Variants in CDH15 observed in about 807,000 individuals in gnomAD.
The protein encoded by CDH15 is cadherin 15.
A neutral mutation model predicts 69.4 loss-of-function variants in CDH15; 73 were observed. That is an observed-to-expected ratio of 1.05 (90% confidence interval 0.87 to 1.28). The LOEUF is 1.28. Ranked by LOEUF, CDH15 falls within the 50% of genes most tolerant of loss-of-function variation. The pLI is 0.00. For missense variants in CDH15, 1,343 were observed against 1,133.6 expected (o/e 1.18, Z -2.65); for synonymous variants, 624 against 507.7 (o/e 1.23, Z -3.08).
chr16:89,184,695 G>C (rs868362685), intron 4 of CDH15, among the ~76,000 whole-genome samples: 75 of 151,780 alleles, frequency 4.9e-4, no homozygotes, highest in African/African-American at 1.7e-3. Context: ...CAGCCTGCCC[G>C]TGCGTCCTCT....
At chr16:89,175,973 G>T (rs1244114428) in intron 1 of CDH15, among the ~76,000 whole-genome samples, 1 of 152,236 alleles carries the variant, frequency 6.6e-6, no homozygotes, top group Admixed American at 6.5e-5. Flanking sequence ...CTGTGTGCTG[G>T]GCCAGCCCTG....
At position 89,192,281 on chromosome 16, in the gene CDH15, G is replaced by C. The variant is rs1334726471; in HGVS notation, c.1692G>C (p.Ser564=). ...GCCTCAGCCTGCTGCTCCGGGACTC[G>C]GGGCAGCCGCCCCAGCAGCGCGAGC... The part of the protein sequence containing the change: ...LHRLSLLLRD[S]GQPPQQREQP... Residue 564 remains serine (S), a synonymous_variant, in exon 11 of 14, where the codon TCG becomes TCC. Transcript: ENST00000289746. The C allele has an allele frequency of 6.5e-6, 10 of 1,531,426 alleles. No homozygotes were observed. Among genetic ancestry groups the C allele is most frequent in the Admixed American group, 5.9e-5 (3 of 50,874 alleles). 94.9% of individuals were successfully genotyped at this position (1,531,426 alleles called of 1,614,324 possible).
chr16:89,189,291 AGATG>A (rs2151603066), intron 7 of CDH15, among the ~76,000 whole-genome samples: 3 of 150,414 alleles, frequency 2.0e-5, no homozygotes, highest in Admixed American at 6.6e-5. Context: ...CGGCACACAC[AGATG>A]CCCACACACA....
chr16:89,180,535 A>G (rs1915353464), intron 3 of CDH15, among the ~76,000 whole-genome samples, 180 bp downstream of exon 3: 1 of 152,150 alleles, frequency 6.6e-6, no homozygotes, highest in African/African-American at 2.4e-5. Context: ...CTGCAGCCGG[A>G]GGAGGCAACT....
chr16:89,187,667 C>A, intron 6 of CDH15, 110 bp downstream of exon 6: 2 of 1,486,830 alleles, frequency 1.3e-6, no homozygotes, highest in Non-Finnish European at 1.8e-6. Context: ...GGATGGTGTG[C>A]TTTGGAGAAG....
At chr16:89,192,130 G>C (rs1915661891) in intron 10 of CDH15, 75 bp from the exon 11 acceptor site, 2 of 1,464,326 alleles carry the variant, frequency 1.4e-6, no homozygotes, top group Admixed American at 4.8e-5. Flanking sequence ...TCCCCACCCT[G>C]TCTCGGCGCG....
At chr16:89,185,430 T>G (rs780455546) in intron 5 of CDH15, 97 bp downstream of exon 5, 79 of 1,358,350 alleles carry the variant, frequency 5.8e-5, no homozygotes, top group Non-Finnish European at 7.8e-5. Context: ...CAGACGCTCC[T>G]GTCCCTGCCG....
At chr16:89,177,537 G>A (rs1197661903) in intron 1 of CDH15, among the ~76,000 whole-genome samples, 1 of 152,072 alleles carries the variant, frequency 6.6e-6, no homozygotes, top group African/African-American at 2.4e-5. Context: ...GACTAGGGAG[G>A]CACAGACAGC....
chr16:89,177,028 T>C (rs1020329901), intron 1 of CDH15, among the ~76,000 whole-genome samples: 1 of 152,086 alleles, frequency 6.6e-6, no homozygotes, highest in African/African-American at 2.4e-5. Flanking sequence ...CGTTAGGGTC[T>C]GTTCCTTGGG....
intron 1 of CDH15, among the ~76,000 whole-genome samples, chr16:89,172,628 A>C (rs1188792666): frequency 1.3e-5 from 2 of 152,116 alleles, no homozygotes; most frequent in African/African-American, 4.8e-5. Context: ...GGAGCAAGCC[A>C]GAGTGGAAGG....
At chr16:89,191,073 G>A (rs937555115) in intron 8 of CDH15, among the ~76,000 whole-genome samples, 2 of 139,792 alleles carry the variant, frequency 1.4e-5, no homozygotes, top group Non-Finnish European at 3.1e-5. Context: ...GTATGTGCAA[G>A]GTGGGGGGGA....
At chr16:89,182,377 A>G (rs1915399529) in intron 3 of CDH15, among the ~76,000 whole-genome samples, 1 of 149,392 alleles carries the variant, frequency 6.7e-6, no homozygotes, top group African/African-American at 2.5e-5. Context: ...ACAACGGCTC[A>G]TGCTTGTAAT....
intron 2 of CDH15, 95 bp from the exon 3 acceptor site, chr16:89,180,105 C>T: frequency 7.2e-7 from 1 of 1,384,768 alleles, no homozygotes; most frequent in South Asian, 1.2e-5. Flanking sequence ...TTAGACCTGC[C>T]CTGCTGTCAG....
chr16:89,184,777 C>T (rs1017042093), intron 4 of CDH15, among the ~76,000 whole-genome samples: 2 of 152,218 alleles, frequency 1.3e-5, no homozygotes, highest in Non-Finnish European at 2.9e-5. Flanking sequence ...GCCAGCAGCT[C>T]CTGGAGGCCC....
At chr16:89,180,720 G>T (rs917508151) in intron 3 of CDH15, among the ~76,000 whole-genome samples, 5 of 152,124 alleles carry the variant, frequency 3.3e-5, no homozygotes, top group African/African-American at 9.7e-5. Context: ...TCTAAATAGT[G>T]TTGTTTTTGT....
Position 89,193,656 on chromosome 16 carries a change from C to T in CDH15, c.1992+50C>T, listed in dbSNP as rs575206244. ...AGGGGTCCCCAAGGAACCCAGGTCG[C>T]GGGCCTTCTTACAACAAGCTGGCCA... On this transcript the variant is annotated intron_variant, in intron 12 of 13. Coordinates refer to ENST00000289746, the MANE Select transcript of CDH15 (RefSeq NM_004933.3). The T allele has an allele frequency of 1.5e-5, 23 of 1,566,742 alleles. No individual in the cohort carries two copies. In the East Asian group the frequency reaches 5.0e-4, roughly 34 times the overall value.
Position 89,193,613 on chromosome 16 carries a change from G to T in CDH15, c.1992+7G>T. 1 of 1,584,220 alleles carries T rather than the reference G, an allele frequency of 6.3e-7. No homozygotes were observed. Among genetic ancestry groups the T allele is most frequent in the South Asian group, 1.1e-5 (1 of 87,764 alleles). ...AGGCGGGGAGGAGGACCAGGTGAGGGGGCAGGTGTGGGTGGGGAGGGGTCC... is the reference window on the plus strand; with the variant it reads ...AGGCGGGGAGGAGGACCAGGTGAGGTGGCAGGTGTGGGTGGGGAGGGGTCC... On this transcript the variant is annotated splice_region_variant and intron_variant, in intron 12 of 13. Coordinates refer to ENST00000289746, the MANE Select transcript of CDH15 (RefSeq NM_004933.3).
In CDH15 at chr16:89,187,453, C is replaced by G; in HGVS notation, c.688C>G (p.Leu230Val). 1 of 1,613,450 alleles carries G rather than the reference C, an allele frequency of 6.2e-7. No homozygotes were observed. Among genetic ancestry groups the G allele is most frequent in the South Asian group, 1.1e-5 (1 of 91,068 alleles). The change falls in exon 6 of 14, where the codon CTG becomes GTG. Residue 230 changes from leucine to valine, a missense_variant. Physicochemically the swap from Leu to Val is conservative, Grantham distance 32 (BLOSUM62 1). Coordinates refer to ENST00000289746, the MANE Select transcript of CDH15 (RefSeq NM_004933.3). ...GGTGGTCGCGGTGTACAATCTGACC[C>G]TGCAGGTGGCGGACATGTCTGGAGA... ...REVVAVYNLT[L>V]QVADMSGDGL...
chr16:89,191,558 G>A, intron 9 of CDH15, 86 bp downstream of exon 9: 1 of 1,585,958 alleles, frequency 6.3e-7, no homozygotes, highest in South Asian at 1.1e-5. Context: ...CTCTGCCCAT[G>A]TCGCCCGGGG....
Sources: gnomAD v4.1 joint callset for allele counts (sites outside exome capture counted in the v4.1 genomes callset) on GRCh38, gnomAD v4.1.1 for gene constraint, MANE v1.5 for transcripts, NCBI Gene and HGNC (gene_info 2026-07-23, HGNC 2026-07-21) for gene names.